The following ALCAM variants were observed in gnomAD, a reference collection of about 807,000 sequenced individuals.
ALCAM encodes the protein CD166 antigen.
In ALCAM, 30 loss-of-function variants were observed where a neutral mutation model predicts 70.9. The ratio of observed to expected loss-of-function variants is 0.42; its 90% CI spans 0.32 to 0.57. The LOEUF is 0.57. ALCAM is among the 20% of genes least tolerant of loss of function. The pLI is 0.11. For synonymous variants in ALCAM, 249 were observed against 242.5 expected, an observed-to-expected ratio of 1.03 and a Z score of -0.25; for missense variants, 591 against 695.1, an observed-to-expected ratio of 0.85 and a Z score of 1.68.
At chr3:105,523,869 G>GAATATTCC (rs1203150729) in intron 2 of ALCAM, among the ~76,000 whole-genome samples, 1 of 152,152 alleles carries the variant, frequency 6.6e-6, no homozygotes, top group Non-Finnish European at 1.5e-5. Context: ...TTAAAATAAA[G>GAATATTCC]AATATTCCAA....
intron 1 of ALCAM, among the ~76,000 whole-genome samples, chr3:105,496,764 A>T (rs913489509): frequency 9.2e-5 from 14 of 151,928 alleles, no homozygotes; most frequent in Non-Finnish European, 1.9e-4. Context: ...TCCATCCTGA[A>T]GAAATTACTT....
At chr3:105,511,950 T>A (rs1035796122) in intron 1 of ALCAM, among the ~76,000 whole-genome samples, 3 of 151,988 alleles carry the variant, frequency 2.0e-5, no homozygotes, top group Non-Finnish European at 4.4e-5. Context: ...ACACAGCATT[T>A]TCTAAGTCTG....
At chr3:105,554,836 G>A (rs1036487594) in intron 14 of ALCAM, among the ~76,000 whole-genome samples, 25 of 151,718 alleles carry the variant, frequency 1.6e-4, no homozygotes, top group African/African-American at 5.1e-4. Flanking sequence ...AACAGCTTGC[G>A]TTCTAGGGTA....
At position 105,449,291 on chromosome 3, in the gene ALCAM, T is replaced by A. The variant is rs544142343; in HGVS notation, c.74-70776T>A. 1.4e-4 allele frequency among the ~76,000 whole-genome samples: 22 copies of A among 152,292 alleles called. No homozygotes were observed. The South Asian group carries it at 4.1e-3, about 29-fold the overall frequency. ...GATGACAAAGCATTGATTTAGTGAATTTTTTCACAGTTTTGTGAACAAAAA... is the reference window on the plus strand; with the variant it reads ...GATGACAAAGCATTGATTTAGTGAAATTTTTCACAGTTTTGTGAACAAAAA... On this transcript the variant is annotated intron_variant, in intron 1 of 15. Coordinates refer to ENST00000306107, the MANE Select transcript of ALCAM (RefSeq NM_001627.4).
chr3:105,409,992 T>C (rs1490500776), intron 1 of ALCAM, among the ~76,000 whole-genome samples: 2 of 152,078 alleles, frequency 1.3e-5, no homozygotes, highest in African/African-American at 4.8e-5. Flanking sequence ...CGTTGACACA[T>C]TATTATCACC....
At chr3:105,566,016 A>G (rs925605621) in intron 14 of ALCAM, among the ~76,000 whole-genome samples, 1 of 152,218 alleles carries the variant, frequency 6.6e-6, no homozygotes, top group African/African-American at 2.4e-5. Flanking sequence ...ATCAAGTGCA[A>G]CTAGTGGCTT....
In ALCAM at chr3:105,493,749, C is replaced by T. The variant is rs999279538; in HGVS notation, c.74-26318C>T. ...AGCCCTATGTCAGACTTCTGATCTC[C>T]AGGAACTATATGACAATAAATTTGT... On this transcript the variant is annotated intron_variant, in intron 1 of 15. Transcript: ENST00000306107. 3.9e-5 allele frequency among the ~76,000 whole-genome samples: 6 copies of T among 152,166 alleles called. No individual in the cohort carries two copies. In the East Asian group the frequency reaches 5.8e-4, roughly 15 times the overall value.
intron 1 of ALCAM, among the ~76,000 whole-genome samples, chr3:105,498,716 C>T (rs1403598639): frequency 6.6e-6 from 1 of 151,988 alleles, no homozygotes; most frequent in African/African-American, 2.4e-5. Flanking sequence ...TAAAACATTC[C>T]AATATAAAAA....
intron 6 of ALCAM, 64 bp from the exon 7 acceptor site, chr3:105,539,911 T>C (rs1243820253): frequency 1.3e-6 from 2 of 1,538,484 alleles, no homozygotes; most frequent in East Asian, 2.3e-5. Flanking sequence ...GTCATTTACA[T>C]TGTATGCACA....
chr3:105,563,820 TG>T (rs1318730020), intron 14 of ALCAM, among the ~76,000 whole-genome samples: 1 of 149,992 alleles, frequency 6.7e-6, no homozygotes. Flanking sequence ...CCCGAGTAGC[TG>T]GGACTACAGG....
In ALCAM at chr3:105,523,433, T is replaced by A. The variant is rs1348589400; in HGVS notation, c.175-856T>A. On this transcript the variant is annotated intron_variant, in intron 2 of 15. Transcript: ENST00000306107. The stretch of plus-strand genomic sequence containing the variant: ...GATATTATTAATTCTTAAAACTGAA[T>A]CCTCCATAGAATCCTAAAATTTGTC... Among the ~76,000 whole-genome samples the A allele has an allele frequency of 2.6e-5, 4 of 152,324 alleles. No individual in the cohort carries two copies. The South Asian group carries it at 8.3e-4, about 32-fold the overall frequency.
At chr3:105,393,314 A>T (rs1318914735) in intron 1 of ALCAM, among the ~76,000 whole-genome samples, 3 of 151,958 alleles carry the variant, frequency 2.0e-5, no homozygotes, top group African/African-American at 7.2e-5. Context: ...CTACTAAAAA[A>T]AAAATCACCC....
chr3:105,524,834 G>A (rs1186493496), intron 3 of ALCAM: 12 of 1,072,570 alleles, frequency 1.1e-5, no homozygotes, highest in Non-Finnish European at 1.4e-5. Context: ...TAAGTGTTGT[G>A]TGATACATAC....
intron 1 of ALCAM, among the ~76,000 whole-genome samples, chr3:105,387,877 T>C (rs1935696977): frequency 6.6e-6 from 1 of 151,634 alleles, no homozygotes; most frequent in Non-Finnish European, 1.5e-5. Flanking sequence ...CCCTTCCGTG[T>C]GGTTGTGAGA....
At chr3:105,564,004 T>G (rs1246866212) in intron 14 of ALCAM, among the ~76,000 whole-genome samples, 1 of 152,080 alleles carries the variant, frequency 6.6e-6, no homozygotes, top group Non-Finnish European at 1.5e-5. Context: ...TATTTAATTC[T>G]TTTTTGTCAA....
At chr3:105,457,866 A>C (rs1251878580) in intron 1 of ALCAM, among the ~76,000 whole-genome samples, 1 of 151,686 alleles carries the variant, frequency 6.6e-6, no homozygotes, top group Admixed American at 6.6e-5. Flanking sequence ...TCCTTCCACC[A>C]CTCTCCACCT....
intron 1 of ALCAM, among the ~76,000 whole-genome samples, chr3:105,473,802 A>C (rs766791447): frequency 6.6e-6 from 1 of 151,564 alleles, no homozygotes; most frequent in South Asian, 2.1e-4. Context: ...AACCCACTGA[A>C]GTCCTAGAAA....
chr3:105,555,367 G>C (rs926820364), intron 14 of ALCAM, among the ~76,000 whole-genome samples: 1 of 152,020 alleles, frequency 6.6e-6, no homozygotes, highest in Non-Finnish European at 1.5e-5. Flanking sequence ...GAATACTTCA[G>C]ATTTGCTGAG....
chr3:105,571,986 C>A, intron 15 of ALCAM, 22 bp downstream of exon 15: 1 of 1,372,944 alleles, frequency 7.3e-7, no homozygotes. Context: ...GTACGAGGTT[C>A]ATAGAAATAA....
Sources: allele counts gnomAD v4.1 joint callset (sites outside exome capture counted in the v4.1 genomes callset), GRCh38; gene constraint gnomAD v4.1.1; transcripts MANE v1.5; gene names NCBI Gene and HGNC (gene_info 2026-07-23, HGNC 2026-07-21).